Variants in ITGB3BP observed in about 807,000 individuals in gnomAD.
ITGB3BP encodes integrin subunit beta 3 binding protein.
A neutral mutation model predicts 29.1 loss-of-function variants in ITGB3BP; 27 were observed. The ratio of observed to expected loss-of-function variants is 0.93; its 90% CI spans 0.68 to 1.28. The LOEUF (loss-of-function observed/expected upper bound fraction) is 1.28, where lower values mean the gene tolerates loss of function less well. Among genes scored for constraint, ITGB3BP ranks in the 50% most tolerant of loss-of-function variants. The pLI is 0.00. For missense variants in ITGB3BP, 192 were observed against 200.2 expected (o/e 0.96, Z 0.25); for synonymous variants, 61 against 61.4 (o/e 0.99, Z 0.03).
chr1:63,506,736 C>G (rs1164561336), intron 2 of ITGB3BP, among the ~76,000 whole-genome samples: 1 of 152,182 alleles, frequency 6.6e-6, no homozygotes, highest in African/African-American at 2.4e-5. Context: ...CTTCAACCAA[C>G]TGGCATATAA....
At chr1:63,467,947 T>C (rs1286121094) in intron 4 of ITGB3BP, among the ~76,000 whole-genome samples, 3 of 152,178 alleles carry the variant, frequency 2.0e-5, no homozygotes, top group African/African-American at 7.2e-5. Context: ...GGGGCACTTA[T>C]TGGAGGGATA....
intron 4 of ITGB3BP, among the ~76,000 whole-genome samples, chr1:63,469,131 G>A (rs896038182): frequency 6.6e-6 from 1 of 151,298 alleles, no homozygotes; most frequent in African/African-American, 2.4e-5. Flanking sequence ...TTTCTTCACC[G>A]TTGTTAGGGC....
At chr1:63,444,991 A>G (rs564131034) in intron 8 of ITGB3BP, among the ~76,000 whole-genome samples, 1 of 152,270 alleles carries the variant, frequency 6.6e-6, no homozygotes, top group South Asian at 2.1e-4. Flanking sequence ...GCACATAGAA[A>G]TTACTCAATA....
chr1:63,464,767 A>C (rs1645072426), intron 4 of ITGB3BP, among the ~76,000 whole-genome samples: 1 of 152,224 alleles, frequency 6.6e-6, no homozygotes, highest in South Asian at 2.1e-4. Flanking sequence ...AATAGGACAA[A>C]ATATCTCTTG....
At chr1:63,523,260 CGCGGCCGG>C (rs1167804265), upstream of ITGB3BP, 9 of 1,278,406 alleles carry the variant, frequency 7.0e-6, no homozygotes, top group African/African-American at 1.5e-5. Flanking sequence ...TCAAGCCCAC[CGCGGCCGG>C]GCGGAAACAT....
chr1:63,485,350 T>C (rs1164140838), intron 3 of ITGB3BP, among the ~76,000 whole-genome samples: 1 of 152,024 alleles, frequency 6.6e-6, no homozygotes, highest in Non-Finnish European at 1.5e-5. Flanking sequence ...CTTAAAATAT[T>C]GTCTAAAACA....
intron 2 of ITGB3BP, among the ~76,000 whole-genome samples, chr1:63,493,160 CTGTAA>C (rs1040776093): frequency 9.2e-5 from 14 of 152,000 alleles, no homozygotes; most frequent in African/African-American, 3.4e-4. Context: ...CAGCTCATGC[CTGTAA>C]TCCCAGCACT....
At chr1:63,494,999 G>A (rs1313341236) in intron 2 of ITGB3BP, among the ~76,000 whole-genome samples, 1 of 151,998 alleles carries the variant, frequency 6.6e-6, no homozygotes, top group Non-Finnish European at 1.5e-5. Flanking sequence ...TAGAGACAGG[G>A]TCTTACTACA....
At chr1:63,475,102 G>A (rs1010040638) in intron 4 of ITGB3BP, among the ~76,000 whole-genome samples, 6 of 151,528 alleles carry the variant, frequency 4.0e-5, no homozygotes, top group African/African-American at 1.5e-4. Context: ...AGCCTCCCAA[G>A]TAGCTGGGAT....
chr1:63,477,223 T>G (rs979119271), intron 4 of ITGB3BP, among the ~76,000 whole-genome samples: 1 of 152,222 alleles, frequency 6.6e-6, no homozygotes, highest in Admixed American at 6.5e-5. Flanking sequence ...CATCTTTTAA[T>G]CTGGACTACT....
chr1:63,516,599 A>G (rs1195850119), intron 1 of ITGB3BP, among the ~76,000 whole-genome samples: 1 of 151,260 alleles, frequency 6.6e-6, no homozygotes, highest in African/African-American at 2.4e-5. Context: ...AGTCCCAGCT[A>G]CTTGGAAGGC....
intron 8 of ITGB3BP, among the ~76,000 whole-genome samples, 172 bp from the exon 9 acceptor site, chr1:63,441,275 T>TC (rs1644726898): frequency 6.6e-6 from 1 of 152,138 alleles, no homozygotes; most frequent in Non-Finnish European, 1.5e-5. Context: ...AGTCTCACTC[T>TC]CCCCCAGGCT....
chr1:63,453,775 T>C (rs1402802051), intron 7 of ITGB3BP, 143 bp downstream of exon 7: 2 of 585,020 alleles, frequency 3.4e-6, no homozygotes, highest in African/African-American at 3.9e-5. Context: ...ATGAGATTTG[T>C]GATCTTCTAA....
intron 4 of ITGB3BP, among the ~76,000 whole-genome samples, chr1:63,472,043 CAA>C (rs982231395): frequency 4.2e-5 from 6 of 142,814 alleles, no homozygotes; most frequent in Admixed American, 7.6e-5. Flanking sequence ...CTCAGCCTCC[CAA>C]AGTGAATAAC....
chr1:63,453,144 A>G (rs1644885193), intron 7 of ITGB3BP, among the ~76,000 whole-genome samples: 1 of 152,176 alleles, frequency 6.6e-6, no homozygotes, highest in Non-Finnish European at 1.5e-5. Context: ...TGACAATGAT[A>G]ATACAGTGTA....
At position 63,454,624 on chromosome 1, in the gene ITGB3BP, C is replaced by T. The variant is rs1644906258; in HGVS notation, c.334-151G>A. The T allele has an allele frequency of 2.1e-6, 1 of 469,240 alleles. No individual in the cohort carries two copies. The highest frequency in any genetic ancestry group is 2.0e-5 in the African/African-American group (1 of 49,546). The allele number at this position is 469,240 out of a possible 1,614,324, so 29.1% of individuals were successfully genotyped here. ...ACTGTTTCTGGCAGGCCAACTATTT[C>T]AAGCCCAAAAATGCCTGAAAAAAAA... On this transcript the variant is annotated intron_variant, in intron 5 of 8. Transcript: ENST00000271002. The surrounding 1 kb of genome is among the most constrained non-coding windows in gnomAD (Gnocchi z 4.1).
chr1:63,501,699 AT>A (rs1645934329), intron 2 of ITGB3BP, among the ~76,000 whole-genome samples: 1 of 151,942 alleles, frequency 6.6e-6, no homozygotes, highest in South Asian at 2.1e-4. Flanking sequence ...TAAAAAAAAA[AT>A]AGATACAAAA....
chr1:63,500,669 T>C (rs1450058988), intron 2 of ITGB3BP, among the ~76,000 whole-genome samples: 2 of 152,200 alleles, frequency 1.3e-5, no homozygotes, highest in South Asian at 2.1e-4. Context: ...CATTCATGGT[T>C]TGGATGACTT....
At chr1:63,517,823 G>A (rs1047131666) in intron 1 of ITGB3BP, among the ~76,000 whole-genome samples, 21 of 152,186 alleles carry the variant, frequency 1.4e-4, no homozygotes, top group African/African-American at 4.8e-4. Flanking sequence ...CTCGGCTCAA[G>A]TGATCCTCCT....
Sources: allele counts gnomAD v4.1 joint callset (sites outside exome capture counted in the v4.1 genomes callset), GRCh38; gene constraint gnomAD v4.1.1; non-coding constraint Gnocchi (gnomAD v3.1); transcripts MANE v1.5; gene names NCBI Gene and HGNC (gene_info 2026-07-23, HGNC 2026-07-21).